CHST4: variants seen among roughly 807,000 people sequenced by gnomAD.
CHST4 encodes GST-3.
For synonymous variants in CHST4, 171 were observed against 195.5 expected, an observed-to-expected ratio of 0.87 and a Z score of 1.05; for missense variants, 466 against 506.0, an observed-to-expected ratio of 0.92 and a Z score of 0.76.
chr16:71,536,028 T>G (rs566784987), intron 1 of CHST4, among the ~76,000 whole-genome samples: 6 of 152,318 alleles, frequency 3.9e-5, no homozygotes, highest in Admixed American at 1.3e-4. Context: ...CACCTGGCTC[T>G]GCCTTTGAGG....
chr16:71,529,741 T>C (rs966632170), intron 1 of CHST4, among the ~76,000 whole-genome samples: 4 of 151,990 alleles, frequency 2.6e-5, no homozygotes, highest in Admixed American at 2.0e-4. Context: ...GTAAGTAAGA[T>C]AAGATACAGC....
At chr16:71,528,579 A>G (rs2043924658) in intron 1 of CHST4, among the ~76,000 whole-genome samples, 1 of 152,192 alleles carries the variant, frequency 6.6e-6, no homozygotes, top group Non-Finnish European at 1.5e-5. Flanking sequence ...GAGGTTTTCC[A>G]GGTCTTCAGG....
intron 1 of CHST4, among the ~76,000 whole-genome samples, chr16:71,529,985 T>C (rs576444978): frequency 1.3e-5 from 2 of 151,824 alleles, no homozygotes; most frequent in South Asian, 4.2e-4. Flanking sequence ...CCATTTCCAC[T>C]AGAAATACAA....
In CHST4 at chr16:71,537,228, T is replaced by G; in HGVS notation, c.551T>G (p.Leu184Arg). 6.2e-7 allele frequency: 1 copy of G among 1,614,206 alleles called. No homozygotes were observed. The highest frequency in any genetic ancestry group is 8.5e-7 in the Non-Finnish European group (1 of 1,180,036). The change falls in exon 2 of 2, where the codon CTG becomes CGG. Residue 184 changes from leucine to arginine, a missense_variant. Leu to Arg is a moderately radical substitution (Grantham distance 102). Transcript: ENST00000539698. This position sits in a 1 kb window ranked among gnomAD's most constrained non-coding sequence, Gnocchi z 4.2. ...VVLKEVRFFNLQSLYPLLKDP... is the reference protein window; with the variant it reads ...VVLKEVRFFNRQSLYPLLKDP... ...CTCAAGGAGGTGCGCTTCTTCAACC[T>G]GCAGTCCCTCTACCCGCTGCTGAAA...
upstream of CHST4, chr16:71,526,121 G>T (rs1213771297): frequency 6.6e-6 from 1 of 152,016 alleles, no homozygotes; most frequent in Admixed American, 6.6e-5. Context: ...TGCCCATAGG[G>T]AGTTGACCTT....
At chr16:71,534,040 CAAAAAAA>C (rs573885766) in intron 1 of CHST4, among the ~76,000 whole-genome samples, 1 of 86,376 alleles carries the variant, frequency 1.2e-5, no homozygotes, top group African/African-American at 4.3e-5. Context: ...GACCCCATCT[CAAAAAAA>C]AAAAAAAAAA....
intron 1 of CHST4, among the ~76,000 whole-genome samples, chr16:71,535,974 G>A (rs2043985039): frequency 6.6e-6 from 1 of 152,152 alleles, no homozygotes; most frequent in South Asian, 2.1e-4. Context: ...TACACTGATG[G>A]CAAAACACCA....
chr16:71,531,006 A>G (rs1475717320), intron 1 of CHST4, among the ~76,000 whole-genome samples: 2 of 152,178 alleles, frequency 1.3e-5, no homozygotes, highest in Non-Finnish European at 2.9e-5. Flanking sequence ...ACTTGAACCC[A>G]GGAGGCAGAA....
chr16:71,536,989 C>T lies in CHST4; in HGVS notation c.312C>T (p.Cys104=), dbSNP rs544697900. The part of the protein sequence containing the change: ...VRDLIRAVFL[C]DMSVFDAYME... ...ATCTGATACGGGCCGTCTTCTTGTG[C>T]GACATGAGCGTCTTTGATGCCTACA... The change falls in exon 2 of 2, where the codon TGC becomes TGT. Residue 104 remains cysteine (C), a synonymous_variant. Transcript: ENST00000539698. 7.4e-6 allele frequency: 12 copies of T among 1,613,754 alleles called. No homozygotes were observed. The highest frequency in any genetic ancestry group is 1.1e-5 in the South Asian group (1 of 91,036).
In CHST4 at chr16:71,537,330, A is replaced by G. The variant is rs762221721; in HGVS notation, c.653A>G (p.Lys218Arg). 1.2e-6 allele frequency: 2 copies of G among 1,614,198 alleles called. No homozygotes were observed. Among genetic ancestry groups the G allele is most frequent in the Admixed American group, 3.3e-5 (2 of 60,024 alleles). The change falls in exon 2 of 2, where the codon AAG (lysine) becomes AGG (arginine). Residue 218 changes from lysine to arginine, a missense_variant. Coordinates refer to ENST00000539698, the MANE Select transcript of CHST4 (RefSeq NM_001166395.2). This position sits in a 1 kb window ranked among gnomAD's most constrained non-coding sequence, Gnocchi z 4.2. Reference protein sequence around the residue: ...RAVFRSRERTKGDLMIDSRIV... With the variant: ...RAVFRSRERTRGDLMIDSRIV... ...GTGTTCCGTTCCCGAGAACGCACAA[A>G]GGGAGATCTCATGATTGACAGTCGC...
chr16:71,537,655 T>C lies in CHST4; in HGVS notation c.978T>C (p.Asp326=), dbSNP rs771360230. The change falls in exon 2 of 2, where the codon GAT becomes GAC. Residue 326 remains aspartate, a synonymous_variant. Coordinates refer to ENST00000539698, the MANE Select transcript of CHST4 (RefSeq NM_001166395.2). The surrounding 1 kb of genome is among the most constrained non-coding windows in gnomAD (Gnocchi z 4.2). The part of the protein sequence containing the change: ...GDHAFHTNAR[D]ALNVSQAWRW... ...ACGCTTTCCACACAAATGCCAGGGA[T>C]GCCCTTAATGTCTCCCAGGCTTGGC... 1.5e-5 allele frequency: 24 copies of C among 1,614,102 alleles called. No homozygotes were observed. The East Asian group carries it at 5.3e-4, about 36-fold the overall frequency.
In CHST4 at chr16:71,537,170, G is replaced by T; in HGVS notation, c.493G>T (p.Glu165Ter). 2 of 1,614,132 alleles carry T rather than the reference G, an allele frequency of 1.2e-6. No homozygotes were observed. Among genetic ancestry groups the T allele is most frequent in the Non-Finnish European group, 1.7e-6 (2 of 1,180,020 alleles). ...CAGTCAACAGCCCTTTGAGGTGGTG[G>T]AGAAGGCCTGCCGCTCCTACAGCCA... ...LCSQQPFEVV[E>*]KACRSYSHVV... is the part of the protein sequence containing the mutation. Residue 165 changes from glutamate to a stop codon, truncating the protein, a stop_gained, in exon 2 of 2, where the codon GAG becomes TAG. Transcript: ENST00000539698. LOFTEE classifies it low-confidence loss of function (END_TRUNC). The surrounding 1 kb of genome is among the most constrained non-coding windows in gnomAD (Gnocchi z 4.2).
intron 1 of CHST4, 66 bp downstream of exon 1, chr16:71,526,561 G>T (rs954495891): frequency 1.3e-5 from 2 of 152,236 alleles, no homozygotes; most frequent in Non-Finnish European, 2.9e-5. Context: ...TGGAGCAAGA[G>T]TATCAGATAA....
In CHST4 at chr16:71,529,928, A is replaced by G. The variant is rs1019240281; in HGVS notation, c.-19+3433A>G. Among the ~76,000 whole-genome samples the G allele has an allele frequency of 2.0e-5, 3 of 151,842 alleles. No homozygotes were observed. In the East Asian group the frequency reaches 5.8e-4, roughly 29 times the overall value. ...TTTGGCAGGCCGAGGCGGGAGAATC[A>G]CCTGAGGTCAGGGGTTCGAGACCAG... On this transcript the variant is annotated intron_variant, in intron 1 of 1. Transcript: ENST00000539698.
At position 71,537,727 on chromosome 16, in the gene CHST4, T is replaced by C. The variant is rs1026095215; in HGVS notation, c.1050T>C (p.Cys350=). 1.2e-6 allele frequency: 2 copies of C among 1,614,252 alleles called. No individual in the cohort carries two copies. The highest frequency in any genetic ancestry group is 1.7e-5 in the Admixed American group (1 of 60,030). ...YEKVSRLQKA[C]GDAMNLLGYR... ...AGGTTTCTCGACTTCAGAAAGCCTG[T>C]GGCGATGCCATGAATTTGCTGGGCT... Residue 350 remains cysteine (C), a synonymous_variant, in exon 2 of 2, where the codon TGT becomes TGC. Coordinates refer to ENST00000539698, the MANE Select transcript of CHST4 (RefSeq NM_001166395.2). The surrounding 1 kb of genome is among the most constrained non-coding windows in gnomAD (Gnocchi z 4.2).
chr16:71,530,765 C>T (rs2043942563), intron 1 of CHST4, among the ~76,000 whole-genome samples: 2 of 148,872 alleles, frequency 1.3e-5, no homozygotes, highest in Admixed American at 6.8e-5. Context: ...CAGAGTGAGA[C>T]CCCCGACTCT....
intron 1 of CHST4, among the ~76,000 whole-genome samples, chr16:71,528,770 T>C (rs1567580593): frequency 6.6e-6 from 1 of 151,718 alleles, no homozygotes; most frequent in Admixed American, 6.5e-5. Flanking sequence ...CTGGTTTTTT[T>C]CCCCCTCAGA....
Position 71,536,673 on chromosome 16 carries a change from G to A in CHST4, c.-5G>A, listed in dbSNP as rs747168485. ...TGTTCCTTAAAGGTCTTCCACTTCAGCACAATGCTACTGCCTAAAAAAATG... is the reference window on the plus strand; with the variant it reads ...TGTTCCTTAAAGGTCTTCCACTTCAACACAATGCTACTGCCTAAAAAAATG... On this transcript the variant is annotated 5_prime_UTR_variant, in exon 2 of 2. Transcript: ENST00000539698. The A allele has an allele frequency of 4.8e-6, 7 of 1,470,340 alleles. No individual in the cohort carries two copies. The highest frequency in any genetic ancestry group is 6.3e-6 in the Non-Finnish European group (7 of 1,112,572). The allele number at this position is 1,470,340 out of a possible 1,614,324, so 91.1% of individuals were successfully genotyped here. A position where few individuals can be genotyped will look rare whatever the true frequency, so the allele number is the denominator to read the frequency against.
intron 1 of CHST4, among the ~76,000 whole-genome samples, chr16:71,535,023 T>C (rs905981097): frequency 6.6e-6 from 1 of 152,242 alleles, no homozygotes; most frequent in Non-Finnish European, 1.5e-5. Context: ...ACCGTGGTCC[T>C]TTCACACGAA....
Sources: allele counts gnomAD v4.1 joint callset (sites outside exome capture counted in the v4.1 genomes callset), GRCh38; gene constraint gnomAD v4.1.1; non-coding constraint Gnocchi (gnomAD v3.1); transcripts MANE v1.5; gene names NCBI Gene and HGNC (gene_info 2026-07-23, HGNC 2026-07-21).